Variants in AP2B1 observed in about 807,000 individuals in gnomAD.
The protein encoded by AP2B1 is AP-2 complex subunit beta.
A neutral mutation model predicts 102.0 loss-of-function variants in AP2B1; 23 were observed. The ratio of observed to expected loss-of-function variants is 0.23; its 90% confidence interval spans 0.16 to 0.32. AP2B1 has a LOEUF of 0.32. Among genes scored for constraint, AP2B1 ranks in the 10% least tolerant of loss-of-function variants. The pLI, the probability that AP2B1 is intolerant of heterozygous loss-of-function variation, is 1.00. For synonymous variants in AP2B1, 381 were observed against 421.2 expected, an observed-to-expected ratio of 0.90 and a Z score of 1.17; for missense variants, 541 against 1,157.4, an observed-to-expected ratio of 0.47 and a Z score of 7.73.
In AP2B1 at chr17:35,602,478, A is replaced by G. The variant is rs57737048; in HGVS notation, c.144-3227A>G. Among the ~76,000 whole-genome samples, 679 of 152,340 alleles carry G rather than the reference A, an allele frequency of 4.5e-3. 20 individuals carry two copies. In the East Asian group the frequency reaches 0.081, roughly 18 times the overall value. The stretch of plus-strand genomic sequence containing the variant: ...TCAAGTGCAGCACTGGCCAGTGGAA[A>G]TACAGTGTGAACCACATATGTAATT... On this transcript the variant is annotated intron_variant, in intron 3 of 21. Coordinates refer to ENST00000610402, the MANE Select transcript of AP2B1 (RefSeq NM_001030006.2).
At chr17:35,695,700 A>G (rs1482252049) in intron 18 of AP2B1, among the ~76,000 whole-genome samples, 1 of 152,128 alleles carries the variant, frequency 6.6e-6, no homozygotes, top group Non-Finnish European at 1.5e-5. Context: ...GAATTACTCT[A>G]TATAGTTTCA....
chr17:35,661,100 C>T (rs2075348728), intron 14 of AP2B1, among the ~76,000 whole-genome samples: 1 of 152,080 alleles, frequency 6.6e-6, no homozygotes, highest in African/African-American at 2.4e-5. Flanking sequence ...AGAACCTCAC[C>T]CATAGAGGCC....
chr17:35,704,193 C>G (rs1175101624), intron 18 of AP2B1, among the ~76,000 whole-genome samples: 1 of 152,128 alleles, frequency 6.6e-6, no homozygotes, highest in Non-Finnish European at 1.5e-5. Context: ...TTTTAACACC[C>G]AAAATATGAT....
chr17:35,695,038 C>T (rs1054115657), intron 18 of AP2B1, among the ~76,000 whole-genome samples: 2 of 152,272 alleles, frequency 1.3e-5, no homozygotes, highest in East Asian at 1.9e-4. Flanking sequence ...TCAGCCAGTA[C>T]ATGTAGCTGT....
intron 12 of AP2B1, among the ~76,000 whole-genome samples, chr17:35,648,541 CA>C (rs2075001718): frequency 6.6e-6 from 1 of 151,462 alleles, no homozygotes; most frequent in African/African-American, 2.4e-5. Flanking sequence ...TACATACATA[CA>C]TACATACATA....
chr17:35,723,305 A>G (rs1373775428), intron 21 of AP2B1, among the ~76,000 whole-genome samples: 1 of 152,232 alleles, frequency 6.6e-6, no homozygotes, highest in East Asian at 1.9e-4. Flanking sequence ...TCATTTAATA[A>G]TAATCCCTAT....
At chr17:35,648,404 T>A (rs1025274178) in intron 12 of AP2B1, among the ~76,000 whole-genome samples, 4 of 151,982 alleles carry the variant, frequency 2.6e-5, no homozygotes, top group African/African-American at 7.3e-5. Flanking sequence ...TAATCCCAGC[T>A]ACTTGGGAGA....
At chr17:35,675,240 C>T (rs1052520261) in intron 17 of AP2B1, among the ~76,000 whole-genome samples, 3 of 152,170 alleles carry the variant, frequency 2.0e-5, no homozygotes, top group Admixed American at 2.0e-4. Flanking sequence ...GGCTGTTAGA[C>T]CTTAATGGCA....
intron 6 of AP2B1, among the ~76,000 whole-genome samples, chr17:35,626,278 G>A (rs1269174372): frequency 6.6e-6 from 1 of 152,076 alleles, no homozygotes; most frequent in East Asian, 1.9e-4. Context: ...TGAGAGGCAG[G>A]GAGCCTTAAC....
intron 9 of AP2B1, among the ~76,000 whole-genome samples, chr17:35,628,675 G>GGTA (rs1389079366): frequency 6.6e-6 from 1 of 152,116 alleles, no homozygotes; most frequent in Non-Finnish European, 1.5e-5. Flanking sequence ...ACCTATCATA[G>GGTA]ACTTTTTCTG....
At chr17:35,627,752 C>T in intron 9 of AP2B1, 26 bp downstream of exon 9, 1 of 1,580,098 alleles carries the variant, frequency 6.3e-7, no homozygotes, top group South Asian at 1.1e-5. Flanking sequence ...TAGTTAGGAT[C>T]ATGTATTGGG....
chr17:35,687,028 A>G (rs895889217), intron 18 of AP2B1, among the ~76,000 whole-genome samples: 4 of 151,982 alleles, frequency 2.6e-5, no homozygotes, highest in African/African-American at 9.7e-5. Flanking sequence ...CCCTAACAAG[A>G]CCTCCAATAT....
chr17:35,640,372 G>A (rs902754917), intron 11 of AP2B1, among the ~76,000 whole-genome samples: 3 of 150,918 alleles, frequency 2.0e-5, no homozygotes, highest in African/African-American at 7.3e-5. Flanking sequence ...GAGTAGCTGG[G>A]ATTACAGGCA....
intron 20 of AP2B1, among the ~76,000 whole-genome samples, chr17:35,716,777 C>G (rs1252609923): frequency 2.0e-5 from 3 of 152,180 alleles, no homozygotes; most frequent in Non-Finnish European, 4.4e-5. Context: ...TGTGTGTCCC[C>G]ATTGATCTGG....
intron 17 of AP2B1, among the ~76,000 whole-genome samples, chr17:35,680,312 T>G (rs904147967): frequency 1.3e-5 from 2 of 152,212 alleles, no homozygotes; most frequent in African/African-American, 2.4e-5. Context: ...TTGTTTGTTA[T>G]CTTCTAGGCC....
rs1326762454 is a variant in AP2B1, at chr17:35,682,773, T to A, written c.2403T>A (p.Pro801=). ...MPNQSIDVSL[P]LNTLGPVMKM... ...ACCAGAGCATTGATGTCTCCCTGCC[T>A]CTCAATACCTTGGGCCCAGTCATGA... The change falls in exon 18 of 22, where the codon CCT becomes CCA. Residue 801 remains proline, a synonymous_variant. Transcript: ENST00000610402. 3.7e-6 allele frequency: 6 copies of A among 1,613,090 alleles called. No homozygotes were observed. Among genetic ancestry groups the A allele is most frequent in the Middle Eastern group, 1.7e-4 (1 of 6,060 alleles).
intron 10 of AP2B1, among the ~76,000 whole-genome samples, 186 bp from the exon 11 acceptor site, chr17:35,639,409 A>C (rs2074704451): frequency 6.6e-6 from 1 of 152,222 alleles, no homozygotes; most frequent in Non-Finnish European, 1.5e-5. Flanking sequence ...CTTAAAAAAT[A>C]ATTGAAGGGA....
chr17:35,600,514 C>G (rs1434856013), intron 3 of AP2B1, among the ~76,000 whole-genome samples: 1 of 151,674 alleles, frequency 6.6e-6, no homozygotes, highest in Admixed American at 6.6e-5. Flanking sequence ...GTGTATGAAG[C>G]TGGATTTTCT....
chr17:35,610,213 C>T (rs112053913), intron 5 of AP2B1, among the ~76,000 whole-genome samples: 20,335 of 151,622 alleles, frequency 0.13, 1,387 homozygotes, highest in Middle Eastern at 0.17. Context: ...GGCATGATCT[C>T]GGCTCACTGG....
Sources: allele counts gnomAD v4.1 joint callset (sites outside exome capture counted in the v4.1 genomes callset), GRCh38; gene constraint gnomAD v4.1.1; transcripts MANE v1.5; gene names NCBI Gene and HGNC (gene_info 2026-07-23, HGNC 2026-07-21).